ERBB4: variants seen among roughly 807,000 people sequenced by gnomAD.
ERBB4 encodes the protein erb-b2 receptor tyrosine kinase 4, also known as receptor tyrosine-protein kinase erbB-4.
Under a neutral mutation model 158.0 loss-of-function variants are expected in ERBB4, and 42 were observed. That is an observed-to-expected ratio of 0.27 (90% CI 0.21 to 0.34). The LOEUF is 0.34. Among genes scored for constraint, ERBB4 ranks in the 10% least tolerant of loss-of-function variants. ERBB4 has a pLI of 1.00. For missense variants in ERBB4, 1,333 were observed against 1,624.1 expected, an observed-to-expected ratio of 0.82 and a Z score of 3.08; for synonymous variants, 583 against 558.7, an observed-to-expected ratio of 1.04 and a Z score of -0.61.
chr2:212,147,836 C>T (rs1475478287), intron 1 of ERBB4, among the ~76,000 whole-genome samples: 1 of 152,098 alleles, frequency 6.6e-6, no homozygotes, highest in Non-Finnish European at 1.5e-5. Context: ...ACTGAGGTAA[C>T]ATAAAGTTTC....
At chr2:211,826,686 G>A (rs2077106535) in intron 3 of ERBB4, among the ~76,000 whole-genome samples, 1 of 151,862 alleles carries the variant, frequency 6.6e-6, no homozygotes, top group African/African-American at 2.4e-5. Context: ...ATGGGAACAG[G>A]AAACTAAATT....
chr2:211,983,953 G>C (rs562658943), intron 2 of ERBB4, among the ~76,000 whole-genome samples: 2 of 152,182 alleles, frequency 1.3e-5, no homozygotes, highest in South Asian at 2.1e-4. Flanking sequence ...TAAATGTCAT[G>C]GTTCATTCAG....
At position 211,431,097 on chromosome 2, in the gene ERBB4, T is replaced by G. The variant is rs779543457; in HGVS notation, c.2491A>C (p.Met831Leu). Reference sequence around the variant, plus strand: ...AGTCGTCTTTCTTCCAGGTACATCATTCCCTGAAAAATATCAAGTTCCTTA... The same window carrying G: ...AGTCGTCTTTCTTCCAGGTACATCAGTCCCTGAAAAATATCAAGTTCCTTA... ...LNWCVQIAKGMMYLEERRLVH... is the reference protein window; with the variant it reads ...LNWCVQIAKGLMYLEERRLVH... Residue 831 changes from methionine to leucine, a missense_variant, in exon 21 of 28, where the codon ATG becomes CTG. Met to Leu is a conservative substitution (Grantham distance 15, BLOSUM62 2). Coordinates refer to ENST00000342788, the MANE Select transcript of ERBB4 (RefSeq NM_005235.3). The G allele has an allele frequency of 5.6e-6, 9 of 1,613,142 alleles. No homozygotes were observed. The highest frequency in any genetic ancestry group is 7.6e-6 in the Non-Finnish European group (9 of 1,179,476).
chr2:211,991,293 T>C (rs1322985985), intron 2 of ERBB4, among the ~76,000 whole-genome samples: 1 of 152,082 alleles, frequency 6.6e-6, no homozygotes, highest in Non-Finnish European at 1.5e-5. Flanking sequence ...ATGCTGTGGA[T>C]ACAAATTAAG....
At chr2:211,778,999 C>T (rs2075968383) in intron 4 of ERBB4, 1 of 152,122 alleles carries the variant, frequency 6.6e-6, no homozygotes, top group Non-Finnish European at 1.5e-5. Flanking sequence ...GATAATCTCC[C>T]ACATGGTAAC....
At chr2:211,717,985 T>A (rs981438852) in intron 7 of ERBB4, among the ~76,000 whole-genome samples, 3 of 152,164 alleles carry the variant, frequency 2.0e-5, no homozygotes, top group African/African-American at 4.8e-5. Flanking sequence ...CCCGACTCAC[T>A]GCAACCTCTG....
chr2:211,783,905 CCT>C (rs2106308185), intron 4 of ERBB4, among the ~76,000 whole-genome samples: 1 of 152,188 alleles, frequency 6.6e-6, no homozygotes, highest in East Asian at 1.9e-4. Flanking sequence ...GGGAGGATTC[CCT>C]CTTTTTCTCT....
intron 1 of ERBB4, among the ~76,000 whole-genome samples, chr2:212,447,002 T>C (rs1224791047): frequency 1.3e-5 from 2 of 151,530 alleles, no homozygotes; most frequent in East Asian, 1.9e-4. Context: ...TTTCTTTTTT[T>C]TTTTTTTTTA....
At chr2:211,450,489 G>T (rs928139262) in intron 20 of ERBB4, among the ~76,000 whole-genome samples, 5 of 152,154 alleles carry the variant, frequency 3.3e-5, no homozygotes, top group African/African-American at 1.2e-4. Context: ...GATGATGGCA[G>T]CCCGGACCAG....
chr2:212,312,126 CTA>C (rs981130623), intron 1 of ERBB4, among the ~76,000 whole-genome samples: 5 of 150,894 alleles, frequency 3.3e-5, no homozygotes, highest in African/African-American at 1.2e-4. Flanking sequence ...TCTCATAATC[CTA>C]TGTTTCACAT....
chr2:212,128,350 A>G (rs146185331), intron 1 of ERBB4, among the ~76,000 whole-genome samples: 1 of 152,308 alleles, frequency 6.6e-6, no homozygotes, highest in Non-Finnish European at 1.5e-5. Context: ...GACATGTTGC[A>G]TGACACCTTC....
intron 1 of ERBB4, among the ~76,000 whole-genome samples, chr2:212,157,641 A>G (rs926729821): frequency 1.3e-5 from 2 of 152,128 alleles, no homozygotes; most frequent in African/African-American, 4.8e-5. Context: ...TACAAACTAA[A>G]ACTATGCTTT....
intron 3 of ERBB4, among the ~76,000 whole-genome samples, chr2:211,911,678 A>G (rs572704542): frequency 1.4e-4 from 22 of 152,332 alleles, no homozygotes; most frequent in African/African-American, 4.1e-4. Flanking sequence ...AATGTGATGG[A>G]GAAAATGGAC....
At chr2:212,365,633 A>C (rs1041315937) in intron 1 of ERBB4, among the ~76,000 whole-genome samples, 2 of 151,948 alleles carry the variant, frequency 1.3e-5, no homozygotes, top group East Asian at 3.9e-4. Context: ...AAGAAGAAGT[A>C]TATGTAGGAA....
At chr2:211,908,134 A>T (rs1575356703) in intron 3 of ERBB4, among the ~76,000 whole-genome samples, 1 of 151,788 alleles carries the variant, frequency 6.6e-6, no homozygotes, top group East Asian at 2.0e-4. Flanking sequence ...AGAGTTCACC[A>T]GTCTGGAAGC....
chr2:212,216,493 T>C (rs1330721366), intron 1 of ERBB4, among the ~76,000 whole-genome samples: 1 of 151,390 alleles, frequency 6.6e-6, no homozygotes, highest in Admixed American at 6.6e-5. Context: ...TATCTTGTAG[T>C]TCATTCAAAA....
At chr2:212,349,911 A>C (rs545759721) in intron 1 of ERBB4, among the ~76,000 whole-genome samples, 1 of 152,258 alleles carries the variant, frequency 6.6e-6, no homozygotes, top group South Asian at 2.1e-4. Context: ...AGATTTGGAA[A>C]GGCAACTCAC....
At chr2:212,110,570 G>A (rs1440845232) in intron 2 of ERBB4, among the ~76,000 whole-genome samples, 3 of 152,198 alleles carry the variant, frequency 2.0e-5, no homozygotes, top group African/African-American at 4.8e-5. Flanking sequence ...ACACTAAGGC[G>A]AAGTCCACTG....
In ERBB4 at chr2:212,223,332, T is replaced by TTATA. The variant is rs58824300; in HGVS notation, c.83-98433_83-98430dup. 4.5e-3 allele frequency among the ~76,000 whole-genome samples: 649 copies of TTATA among 144,164 alleles called. 11 individuals are homozygous for TTATA. Among genetic ancestry groups the TTATA allele is most frequent in the Admixed American group, 0.03 (426 of 14,212 alleles). 94.6% of individuals were successfully genotyped at this position (144,164 alleles called of 152,430 possible). ...TATTTTAGCAATATCCTTATTAAGCTTATATATATATATATATAAAATTGT... is the reference window on the plus strand; with the variant it reads ...TATTTTAGCAATATCCTTATTAAGCTTATATATATATATATATATATAAAATTGT... On this transcript the variant is annotated intron_variant, in intron 1 of 27. Coordinates refer to ENST00000342788, the MANE Select transcript of ERBB4 (RefSeq NM_005235.3).
Sources: gnomAD v4.1 joint callset for allele counts (sites outside exome capture counted in the v4.1 genomes callset) on GRCh38, gnomAD v4.1.1 for gene constraint, MANE v1.5 for transcripts, NCBI Gene and HGNC (gene_info 2026-07-23, HGNC 2026-07-21) for gene names.